Variants in REC114 observed in about 807,000 individuals in gnomAD.
The protein encoded by REC114 is meiotic recombination protein REC114.
Under a neutral mutation model 31.3 loss-of-function variants are expected in REC114, and 27 were observed. The ratio of observed to expected loss-of-function variants is 0.86; its 90% CI spans 0.64 to 1.19. The LOEUF (loss-of-function observed/expected upper bound fraction) is 1.19. Among genes scored for constraint, REC114 ranks in the 50% most tolerant of loss-of-function variants. REC114 has a pLI of 0.00. For synonymous variants in REC114, 134 were observed against 127.7 expected (o/e 1.05, Z -0.33); for missense variants, 344 against 326.9 (o/e 1.05, Z -0.40).
intron 1 of REC114, among the ~76,000 whole-genome samples, chr15:73,471,803 G>GATACCTTCTA: frequency 6.6e-6 from 1 of 152,192 alleles, no homozygotes; most frequent in Middle Eastern, 3.4e-3. Context: ...CAAAAAAAGG[G>GATACCTTCTA]TGGTATCATC....
intron 2 of REC114, among the ~76,000 whole-genome samples, chr15:73,508,699 G>GT (rs1219019285): frequency 3.6e-4 from 52 of 145,894 alleles, no homozygotes; most frequent in Admixed American, 9.0e-4. Context: ...GCGGTGTTTG[G>GT]TTTTTTGTTC....
At chr15:73,445,274 G>C (rs138839027) in intron 1 of REC114, among the ~76,000 whole-genome samples, 1,564 of 152,274 alleles carry the variant, frequency 0.01, 25 homozygotes, top group African/African-American at 0.036. Flanking sequence ...CGTCCTAGAT[G>C]GCCTCTTCTT....
rs781470434 is a variant in REC114, at chr15:73,556,320, C to G, written c.565C>G (p.Gln189Glu). 1.5e-4 allele frequency: 244 copies of G among 1,613,636 alleles called. 2 individuals are homozygous for G. The South Asian group carries it at 2.4e-3, about 16-fold the overall frequency. Residue 189 changes from glutamine (Q) to glutamate (E), a missense_variant, in exon 5 of 6, where the codon CAA becomes GAA. Transcript: ENST00000331090. ...RQPGSHQHSE[Q>E]QQVCVTAGTG... ...ATTCCAGTCCCACCAGCACTCAGAACAACAGCAAGTGTGTGTAACAGCGGG... is the reference window on the plus strand; with the variant it reads ...ATTCCAGTCCCACCAGCACTCAGAAGAACAGCAAGTGTGTGTAACAGCGGG...
At chr15:73,559,657 G>GCTAAT in intron 5 of REC114, 95 bp from the exon 6 acceptor site, 2 of 1,180,484 alleles carry the variant, frequency 1.7e-6, no homozygotes, top group South Asian at 4.1e-5. Context: ...TGTGTATTTC[G>GCTAAT]CTAATCTTTC....
chr15:73,514,446 A>T, intron 2 of REC114, among the ~76,000 whole-genome samples: 1 of 152,000 alleles, frequency 6.6e-6, no homozygotes, highest in Non-Finnish European at 1.5e-5. Flanking sequence ...AGCTGTTCCT[A>T]TTCGGCCATC....
chr15:73,480,316 G>A (rs889398938), intron 2 of REC114, among the ~76,000 whole-genome samples: 15 of 150,546 alleles, frequency 1.0e-4, no homozygotes, highest in African/African-American at 3.2e-4. Context: ...TGTCACCCAG[G>A]CTTAATAATA....
At chr15:73,471,728 A>T (rs1304608582) in intron 1 of REC114, among the ~76,000 whole-genome samples, 1 of 152,198 alleles carries the variant, frequency 6.6e-6, no homozygotes, top group African/African-American at 2.4e-5. Flanking sequence ...AAGAATGTTC[A>T]TAACAGTATT....
At chr15:73,503,703 G>C (rs577467193) in intron 2 of REC114, among the ~76,000 whole-genome samples, 1 of 152,126 alleles carries the variant, frequency 6.6e-6, no homozygotes, top group South Asian at 2.1e-4. Flanking sequence ...ATGAGTTTTA[G>C]CATCTTTTCT....
chr15:73,537,366 C>G (rs1894169965), intron 2 of REC114, among the ~76,000 whole-genome samples: 1 of 152,126 alleles, frequency 6.6e-6, no homozygotes, highest in African/African-American at 2.4e-5. Context: ...ATGGTTTGAA[C>G]AAATCGATGA....
At chr15:73,454,196 C>G (rs551408189) in intron 1 of REC114, among the ~76,000 whole-genome samples, 2 of 151,846 alleles carry the variant, frequency 1.3e-5, no homozygotes, top group East Asian at 3.9e-4. Flanking sequence ...GAGAAGCACC[C>G]AAGAGAATGG....
chr15:73,518,662 G>A (rs561751212), intron 2 of REC114, among the ~76,000 whole-genome samples: 2 of 152,212 alleles, frequency 1.3e-5, no homozygotes, highest in Non-Finnish European at 2.9e-5. Flanking sequence ...CTCTGAATAG[G>A]GGGAGGGGTG....
chr15:73,452,381 A>G (rs987869440), intron 1 of REC114, among the ~76,000 whole-genome samples: 1 of 152,248 alleles, frequency 6.6e-6, no homozygotes, highest in Non-Finnish European at 1.5e-5. Flanking sequence ...ACTCCCATTC[A>G]GAATTGCTAC....
At chr15:73,456,532 A>G (rs536297581) in intron 1 of REC114, among the ~76,000 whole-genome samples, 1 of 152,320 alleles carries the variant, frequency 6.6e-6, no homozygotes, top group African/African-American at 2.4e-5. Context: ...CCTAGTGCCT[A>G]CATAATACCA....
rs142338488 is a variant in REC114 at position 73,506,513 on chromosome 15, G to T, written c.249+32592G>T. Among the ~76,000 whole-genome samples the T allele has an allele frequency of 4.6e-5, 7 of 152,286 alleles. No individual in the cohort carries two copies. The South Asian group carries it at 6.2e-4, about 14-fold the overall frequency. ...GTGCCACTAGAAATGAATGCAAGTA[G>T]AAGTGCTATATATAATAATTCAGGA... is the stretch of plus-strand genomic sequence containing the variant. On this transcript the variant is annotated intron_variant, in intron 2 of 5. Coordinates refer to ENST00000331090, the MANE Select transcript of REC114 (RefSeq NM_001042367.2).
At chr15:73,527,245 T>C (rs1385142429) in intron 2 of REC114, among the ~76,000 whole-genome samples, 1 of 152,264 alleles carries the variant, frequency 6.6e-6, no homozygotes, top group African/African-American at 2.4e-5. Flanking sequence ...GATTCTTATT[T>C]TTCCAGAAGT....
intron 2 of REC114, among the ~76,000 whole-genome samples, chr15:73,534,480 G>A (rs1456969917): frequency 6.6e-6 from 1 of 152,154 alleles, no homozygotes; most frequent in Admixed American, 6.5e-5. Context: ...ACTAAACCAG[G>A]AAGAAGTTGA....
intron 1 of REC114, among the ~76,000 whole-genome samples, chr15:73,462,107 T>G (rs945062680): frequency 6.6e-6 from 1 of 151,712 alleles, no homozygotes; most frequent in African/African-American, 2.4e-5. Flanking sequence ...AATTTTTGTA[T>G]TTTTTGTAGA....
intron 2 of REC114, among the ~76,000 whole-genome samples, chr15:73,507,361 AT>A (rs532543456): frequency 6.0e-5 from 9 of 150,850 alleles, no homozygotes; most frequent in Admixed American, 2.6e-4. Flanking sequence ...AAATTATGAG[AT>A]TTTTTTTTTA....
intron 2 of REC114, among the ~76,000 whole-genome samples, chr15:73,498,899 A>T (rs1162513052): frequency 1.3e-5 from 2 of 152,232 alleles, no homozygotes; most frequent in East Asian, 3.9e-4. Flanking sequence ...TTGGAGATGG[A>T]TGTTTTGTAA....
Sources: gnomAD v4.1 joint callset for allele counts (sites outside exome capture counted in the v4.1 genomes callset) on GRCh38, gnomAD v4.1.1 for gene constraint, MANE v1.5 for transcripts, NCBI Gene and HGNC (gene_info 2026-07-23, HGNC 2026-07-21) for gene names.